Variants in NDUFAF2 observed in about 807,000 individuals in gnomAD.
NDUFAF2 encodes NADH dehydrogenase [ubiquinone] 1 alpha subcomplex assembly factor 2.
A neutral mutation model predicts 22.8 loss-of-function variants in NDUFAF2; 13 were observed. The observed-to-expected ratio is 0.57, with a 90% confidence interval of 0.37 to 0.91. The LOEUF (loss-of-function observed/expected upper bound fraction) is 0.91, where lower values mean the gene tolerates loss of function less well. Ranked by LOEUF, NDUFAF2 falls within the 40% of genes least tolerant of loss-of-function variation. The pLI is 0.01. For missense variants in NDUFAF2, 162 were observed against 195.2 expected, an observed-to-expected ratio of 0.83 and a Z score of 1.01; for synonymous variants, 53 against 64.2, an observed-to-expected ratio of 0.83 and a Z score of 0.84.
chr5:60,945,889 C>A (rs999446931), intron 1 of NDUFAF2, among the ~76,000 whole-genome samples: 1 of 152,134 alleles, frequency 6.6e-6, no homozygotes, highest in Non-Finnish European at 1.5e-5. Context: ...TTGGTGTTTA[C>A]CCTTTTCGGT....
chr5:61,127,107 A>G (rs1753046721), intron 3 of NDUFAF2, among the ~76,000 whole-genome samples: 1 of 152,206 alleles, frequency 6.6e-6, no homozygotes, highest in African/African-American at 2.4e-5. Flanking sequence ...ATCTCTGAAT[A>G]GACCAATAAC....
intron 1 of NDUFAF2, among the ~76,000 whole-genome samples, chr5:60,964,846 C>T (rs1750734112): frequency 6.6e-6 from 1 of 152,132 alleles, no homozygotes; most frequent in Admixed American, 6.5e-5. Flanking sequence ...ACCAACATTT[C>T]CCCAATACCT....
chr5:60,987,455 T>C (rs998442196), intron 1 of NDUFAF2, among the ~76,000 whole-genome samples: 1 of 152,136 alleles, frequency 6.6e-6, no homozygotes, highest in African/African-American at 2.4e-5. Context: ...GATACCAAAA[T>C]TGGCAGAGAT....
At chr5:60,945,618 A>G (rs1041232970) in intron 1 of NDUFAF2, among the ~76,000 whole-genome samples, 8 of 152,070 alleles carry the variant, frequency 5.3e-5, no homozygotes, top group Non-Finnish European at 8.8e-5. Flanking sequence ...CCTACTACCC[A>G]GCGCCTTCCC....
intron 1 of NDUFAF2, among the ~76,000 whole-genome samples, chr5:61,060,982 A>G (rs1382546387): frequency 6.6e-6 from 1 of 152,088 alleles, no homozygotes; most frequent in Non-Finnish European, 1.5e-5. Context: ...GTGGCTCAGG[A>G]AAGGAGAGAT....
At chr5:60,974,264 A>C (rs1750873153) in intron 1 of NDUFAF2, among the ~76,000 whole-genome samples, 1 of 152,176 alleles carries the variant, frequency 6.6e-6, no homozygotes, top group African/African-American at 2.4e-5. Context: ...GCCCTCAAAC[A>C]TTAGACTCCA....
chr5:61,125,111 A>G (rs1158840357), intron 3 of NDUFAF2, among the ~76,000 whole-genome samples: 1 of 152,084 alleles, frequency 6.6e-6, no homozygotes, highest in Admixed American at 6.6e-5. Context: ...CCTGAGGATT[A>G]CAATTGAACA....
intron 3 of NDUFAF2, among the ~76,000 whole-genome samples, chr5:61,147,070 A>G (rs1026586737): frequency 6.6e-6 from 1 of 151,950 alleles, no homozygotes; most frequent in African/African-American, 2.4e-5. Flanking sequence ...CATCATTTCT[A>G]TCATGTGTAG....
At chr5:60,984,483 A>G (rs1751039541) in intron 1 of NDUFAF2, among the ~76,000 whole-genome samples, 1 of 152,168 alleles carries the variant, frequency 6.6e-6, no homozygotes, top group Non-Finnish European at 1.5e-5. Flanking sequence ...GCCAGTTTTC[A>G]AAGGGAATGT....
intron 1 of NDUFAF2, among the ~76,000 whole-genome samples, chr5:60,979,892 C>T (rs2112577850): frequency 6.6e-6 from 1 of 152,216 alleles, no homozygotes; most frequent in African/African-American, 2.4e-5. Context: ...TCAATCTAAT[C>T]CAAAGCAATA....
intron 3 of NDUFAF2, among the ~76,000 whole-genome samples, chr5:61,103,393 C>G (rs1426764900): frequency 6.6e-6 from 1 of 151,844 alleles, no homozygotes; most frequent in Non-Finnish European, 1.5e-5. Context: ...TTTTCCTCAC[C>G]TTTTTTTCCC....
At chr5:61,082,198 G>T (rs1344105439) in intron 2 of NDUFAF2, among the ~76,000 whole-genome samples, 1 of 152,154 alleles carries the variant, frequency 6.6e-6, no homozygotes, top group Non-Finnish European at 1.5e-5. Context: ...CTGTAATGAA[G>T]TTCCTGAGAT....
chr5:60,984,132 G>A (rs547557282), intron 1 of NDUFAF2, among the ~76,000 whole-genome samples: 1 of 152,236 alleles, frequency 6.6e-6, no homozygotes, highest in African/African-American at 2.4e-5. Context: ...TTGTAAGTTG[G>A]ATTCCTAGGT....
intron 3 of NDUFAF2, among the ~76,000 whole-genome samples, chr5:61,143,960 TTGTGTGTGTGTG>T (rs58281805): frequency 5.6e-4 from 55 of 98,220 alleles, no homozygotes; most frequent in Middle Eastern, 5.1e-3. Context: ...TGGCATATTT[TTGTGTGTGTGTG>T]TGTGTGTGTG....
chr5:61,140,085 G>C (rs1741027809), intron 3 of NDUFAF2, among the ~76,000 whole-genome samples: 1 of 152,230 alleles, frequency 6.6e-6, no homozygotes, highest in Non-Finnish European at 1.5e-5. Context: ...AGCCAGACTT[G>C]GCCCAAGTGG....
chr5:61,019,210 A>C (rs191637165), intron 1 of NDUFAF2, among the ~76,000 whole-genome samples: 1 of 152,218 alleles, frequency 6.6e-6, no homozygotes, highest in East Asian at 1.9e-4. Context: ...GAAGGATTGT[A>C]ATTTTTTTCA....
At chr5:61,001,363 T>C (rs1443908471) in intron 1 of NDUFAF2, among the ~76,000 whole-genome samples, 1 of 152,136 alleles carries the variant, frequency 6.6e-6, no homozygotes, top group Non-Finnish European at 1.5e-5. Context: ...ATGAATAATT[T>C]CCCTGTACAA....
At chr5:61,015,992 C>T (rs1751503972) in intron 1 of NDUFAF2, among the ~76,000 whole-genome samples, 2 of 151,988 alleles carry the variant, frequency 1.3e-5, no homozygotes, top group Non-Finnish European at 2.9e-5. Context: ...TCGAGACCAT[C>T]CTGGCCAACA....
At chr5:61,029,984 G>T (rs2112608913) in intron 1 of NDUFAF2, among the ~76,000 whole-genome samples, 1 of 152,202 alleles carries the variant, frequency 6.6e-6, no homozygotes, top group South Asian at 2.1e-4. Context: ...AAGCCTGGGT[G>T]ACCATGGAAG....
Sources: allele counts gnomAD v4.1 joint callset (sites outside exome capture counted in the v4.1 genomes callset), GRCh38; gene constraint gnomAD v4.1.1; transcripts MANE v1.5; gene names NCBI Gene and HGNC (gene_info 2026-07-23, HGNC 2026-07-21).